GRIK1: variants seen among roughly 807,000 people sequenced by gnomAD.
GRIK1 encodes the protein glutamate ionotropic receptor kainate type subunit 1.
A neutral mutation model predicts 105.7 loss-of-function variants in GRIK1; 69 were observed. That is an observed-to-expected ratio of 0.65 (90% confidence interval 0.54 to 0.80). The LOEUF (loss-of-function observed/expected upper bound fraction) is 0.80. GRIK1 is among the 30% of genes least tolerant of loss of function. The pLI, the probability that GRIK1 is intolerant of heterozygous loss-of-function variation, is 0.00. For missense variants in GRIK1, 1,109 were observed against 1,167.3 expected (o/e 0.95, Z 0.73); for synonymous variants, 438 against 431.3 (o/e 1.02, Z -0.19).
Position 29,939,563 on chromosome 21 carries a change from AAC to A in GRIK1, c.-65_-64del. 2.9e-6 allele frequency: 3 copies of A among 1,034,620 alleles called. No homozygotes were observed. Among genetic ancestry groups the A allele is most frequent in the Non-Finnish European group, 2.8e-6 (2 of 709,112 alleles). The allele number at this position is 1,034,620 out of a possible 1,614,324, so 64.1% of individuals were successfully genotyped here. A position where few individuals can be genotyped will look rare whatever the true frequency, so the allele number is the denominator to read the frequency against. On this transcript the variant is annotated 5_prime_UTR_variant, in exon 1 of 18. It adds an upstream start codon to the 5' untranslated region. Coordinates refer to ENST00000327783, the MANE Select transcript of GRIK1 (RefSeq NM_001330994.2). ...TGCCGGACGCCCGAGAGATGCACCC[AAC>A]TTGGGCCGGGTCCCCGCCTCATCCT...
chr21:29,930,994 T>C (rs550123451), intron 1 of GRIK1, among the ~76,000 whole-genome samples: 2 of 152,338 alleles, frequency 1.3e-5, no homozygotes, highest in African/African-American at 4.8e-5. Flanking sequence ...TTTTAAAATA[T>C]AGACTTTATT....
At chr21:29,683,294 A>C (rs1330705566) in intron 3 of GRIK1, among the ~76,000 whole-genome samples, 1 of 152,238 alleles carries the variant, frequency 6.6e-6, no homozygotes, top group Admixed American at 6.5e-5. Flanking sequence ...TATCCAAAAG[A>C]AAATCATTCT....
chr21:29,888,197 C>CTTTCTTTCTTTCTTCCTTTCTT lies in GRIK1; in HGVS notation c.118+51185_118+51186insAAGAAAGGAAGAAAGAAAGAAA, dbSNP rs59241719. Among the ~76,000 whole-genome samples the CTTTCTTTCTTTCTTCCTTTCTT allele has an allele frequency of 5.4e-3, 120 of 22,344 alleles. 28 individuals carry two copies. The highest frequency in any genetic ancestry group is 0.012 in the Non-Finnish European group (93 of 7,614). The allele number at this position is 22,344 out of a possible 152,430, so 14.7% of individuals were successfully genotyped here. A position where few individuals can be genotyped will look rare whatever the true frequency, so the allele number is the denominator to read the frequency against. On this transcript the variant is annotated intron_variant, in intron 1 of 17. Transcript: ENST00000327783. ...TCTTTCTTTCTTCCTTTCTTTCTTT[C>CTTTCTTTCTTTCTTCCTTTCTT]TCTCTCTCTCTCTCTCTCTCTCTCT... is the stretch of plus-strand genomic sequence containing the variant.
intron 7 of GRIK1, among the ~76,000 whole-genome samples, chr21:29,604,699 C>T (rs2061579693): frequency 6.6e-6 from 1 of 151,958 alleles, no homozygotes; most frequent in East Asian, 1.9e-4. Context: ...AACTATTGTC[C>T]CTATTTTAGG....
At chr21:29,720,108 C>T (rs1392346799) in intron 1 of GRIK1, among the ~76,000 whole-genome samples, 1 of 152,166 alleles carries the variant, frequency 6.6e-6, no homozygotes, top group Non-Finnish European at 1.5e-5. Context: ...AAAAGAAGAA[C>T]ATTATTTATC....
chr21:29,548,980 T>C (rs2090087897), intron 16 of GRIK1, among the ~76,000 whole-genome samples: 1 of 152,186 alleles, frequency 6.6e-6, no homozygotes. Flanking sequence ...AGGAAACAAA[T>C]TGGACAACAC....
intron 1 of GRIK1, among the ~76,000 whole-genome samples, chr21:29,731,943 C>T (rs942672327): frequency 1.3e-5 from 2 of 152,172 alleles, no homozygotes; most frequent in Admixed American, 6.6e-5. Flanking sequence ...TTATGTTACT[C>T]ATATAGGAGC....
Position 29,693,902 on chromosome 21 carries a change from G to T in GRIK1, c.280C>A (p.Arg94=). 2 of 1,610,632 alleles carry T rather than the reference G, an allele frequency of 1.2e-6. No homozygotes were observed. The highest frequency in any genetic ancestry group is 1.7e-6 in the Non-Finnish European group (2 of 1,177,256). Residue 94 remains arginine, a synonymous_variant, in exon 2 of 18, where the codon CGG becomes AGG. Transcript: ENST00000327783. ...AAAGTGGGAAAATAGTTACCTCTCC[G>T]CGAGGCTTCAAAACTATCAAAAAGG... ...INLFDSFEAS[R]RACDQLALGV...
intron 1 of GRIK1, among the ~76,000 whole-genome samples, chr21:29,755,375 A>G (rs765722389): frequency 3.3e-5 from 5 of 152,262 alleles, no homozygotes; most frequent in Non-Finnish European, 7.3e-5. Context: ...CAACATCAAC[A>G]TGGAACACCA....
chr21:29,620,404 A>C (rs931442922), intron 7 of GRIK1, among the ~76,000 whole-genome samples: 2 of 152,180 alleles, frequency 1.3e-5, no homozygotes, highest in African/African-American at 2.4e-5. Flanking sequence ...GGCAAGAATA[A>C]AATCAGAATT....
chr21:29,853,394 A>G (rs117155764), intron 1 of GRIK1, among the ~76,000 whole-genome samples: 2,434 of 152,314 alleles, frequency 0.016, 55 homozygotes, highest in Middle Eastern at 0.017. Flanking sequence ...CTAAGAACTA[A>G]GTGACTTAGT....
intron 1 of GRIK1, among the ~76,000 whole-genome samples, chr21:29,769,079 G>T (rs1442775214): frequency 6.6e-6 from 1 of 152,044 alleles, no homozygotes; most frequent in Non-Finnish European, 1.5e-5. Flanking sequence ...CACCATGAGG[G>T]CAGAAACTGT....
intron 3 of GRIK1, among the ~76,000 whole-genome samples, chr21:29,674,966 C>G (rs1205771593): frequency 6.6e-6 from 1 of 152,160 alleles, no homozygotes; most frequent in Non-Finnish European, 1.5e-5. Context: ...CTTGTCTTCT[C>G]ACTTCCACAG....
chr21:29,928,218 G>C (rs777966339), intron 1 of GRIK1, among the ~76,000 whole-genome samples: 13 of 152,232 alleles, frequency 8.5e-5, no homozygotes, highest in Non-Finnish European at 1.8e-4. Flanking sequence ...CTGTTGCAAA[G>C]CCGAAAACTG....
chr21:29,923,003 T>C (rs8134094), intron 1 of GRIK1, among the ~76,000 whole-genome samples: 5,311 of 152,252 alleles, frequency 0.035, 331 homozygotes, highest in African/African-American at 0.12. Flanking sequence ...AAAGGACTTG[T>C]GTACTGATTT....
At chr21:29,685,080 A>C (rs2063463799) in intron 3 of GRIK1, among the ~76,000 whole-genome samples, 2 of 152,270 alleles carry the variant, frequency 1.3e-5, no homozygotes, top group Non-Finnish European at 2.9e-5. Flanking sequence ...AATATACACT[A>C]AGACACTATC....
At chr21:29,769,840 C>T (rs4817304) in intron 1 of GRIK1, among the ~76,000 whole-genome samples, 59,420 of 152,002 alleles carry the variant, frequency 0.39, 14,003 homozygotes, top group South Asian at 0.56. Context: ...AGCCTTCTAG[C>T]CTTCAAAACT....
chr21:29,620,802 T>TAGATAG (rs1555851179), intron 7 of GRIK1, among the ~76,000 whole-genome samples: 1,410 of 127,352 alleles, frequency 0.011, 17 homozygotes, highest in African/African-American at 0.038. Flanking sequence ...TCTATATATA[T>TAGATAG]ATAGATATAT....
intron 4 of GRIK1, among the ~76,000 whole-genome samples, chr21:29,661,790 C>G (rs1050907494): frequency 1.3e-5 from 2 of 152,132 alleles, no homozygotes; most frequent in Admixed American, 6.5e-5. Context: ...GCTTTGGTAA[C>G]GTCAAAAACA....
Sources: gnomAD v4.1 joint callset for allele counts (sites outside exome capture counted in the v4.1 genomes callset) on GRCh38, gnomAD v4.1.1 for gene constraint, MANE v1.5 for transcripts, NCBI Gene and HGNC (gene_info 2026-07-23, HGNC 2026-07-21) for gene names.